The following MAD2L2 variants were observed in gnomAD, a reference collection of about 807,000 sequenced individuals.
MAD2L2 encodes mitotic arrest deficient 2 like 2.
A neutral mutation model predicts 30.5 loss-of-function variants in MAD2L2; 17 were observed. The observed-to-expected ratio is 0.56, with a 90% CI of 0.38 to 0.84. The LOEUF (loss-of-function observed/expected upper bound fraction) is 0.84. Among genes scored for constraint, MAD2L2 ranks in the 40% least tolerant of loss-of-function variants. MAD2L2 has a pLI of 0.00. For synonymous variants in MAD2L2, 101 were observed against 113.9 expected (o/e 0.89, Z 0.72); for missense variants, 213 against 277.4 (o/e 0.77, Z 1.65).
Position 11,674,668 on chromosome 1 carries a change from A to G in MAD2L2, c.*107T>C. The G allele has an allele frequency of 8.3e-7, 1 of 1,210,312 alleles. No individual in the cohort carries two copies. The highest frequency in any genetic ancestry group is 2.3e-5 in the East Asian group (1 of 42,576). 75.0% of individuals were successfully genotyped at this position (1,210,312 alleles called of 1,614,324 possible). On this transcript the variant is annotated 3_prime_UTR_variant, in exon 9 of 9. Coordinates refer to ENST00000376692, the MANE Select transcript of MAD2L2 (RefSeq NM_006341.4). This position sits in a 1 kb window ranked among gnomAD's most constrained non-coding sequence, Gnocchi z 6.1. ...GGGCTGGGGCGGGCGATCCACACAC[A>G]GAGGCGATAAGAGCACTTGGAATCA...
At chr1:11,684,204 G>A (rs1247973291), upstream of MAD2L2, among the ~76,000 whole-genome samples, 1 of 152,152 alleles carries the variant, frequency 6.6e-6, no homozygotes, top group Non-Finnish European at 1.5e-5. Context: ...GAGTCAGCAT[G>A]GGCCCATCCG....
chr1:11,684,211 TC>T (rs1203210392), upstream of MAD2L2, among the ~76,000 whole-genome samples: 2 of 152,058 alleles, frequency 1.3e-5, no homozygotes, highest in African/African-American at 2.4e-5. Context: ...CATGGGCCCA[TC>T]CGGGGAGCTC....
intron 3 of MAD2L2, among the ~76,000 whole-genome samples, chr1:11,677,865 C>T (rs28924105): frequency 9.9e-4 from 150 of 152,018 alleles, no homozygotes; most frequent in African/African-American, 3.5e-3. Context: ...CGAGACCAGC[C>T]TGGCCAATAT....
At chr1:11,676,226 A>G (rs2100707095) in intron 5 of MAD2L2, 86 bp from the exon 6 acceptor site, 2 of 825,356 alleles carry the variant, frequency 2.4e-6, no homozygotes, top group Non-Finnish European at 1.9e-6. Flanking sequence ...CTGGGGTACA[A>G]GACCCCCTCC....
At chr1:11,685,644 T>G (rs907955750), upstream of MAD2L2, among the ~76,000 whole-genome samples, 1 of 152,206 alleles carries the variant, frequency 6.6e-6, no homozygotes, top group Non-Finnish European at 1.5e-5. Flanking sequence ...TATGTCCATG[T>G]TCATGTTTAT....
chr1:11,680,365 G>C lies in MAD2L2; in HGVS notation c.147C>G (p.Asn49Lys). Residue 49 changes from asparagine (N) to lysine (K), a missense_variant, in exon 3 of 9, where the codon AAC becomes AAG. Coordinates refer to ENST00000376692, the MANE Select transcript of MAD2L2 (RefSeq NM_006341.4). ...VGIFQKRKKY[N>K]VPVQMSCHPE... ...GGACGTGCCTCACCTGGACCGGCAC[G>C]TTGTACTTCTTGCGTTTCTGGAAGA... 1 of 1,613,714 alleles carries C rather than the reference G, an allele frequency of 6.2e-7. No individual in the cohort carries two copies. Among genetic ancestry groups the C allele is most frequent in the African/African-American group, 1.3e-5 (1 of 75,030 alleles).
In MAD2L2 at chr1:11,680,383, C is replaced by T. The variant is rs1309224638; in HGVS notation, c.129G>A (p.Gln43=). The T allele has an allele frequency of 6.8e-6, 11 of 1,613,878 alleles. No homozygotes were observed. Among genetic ancestry groups the T allele is most frequent in the Non-Finnish European group, 7.6e-6 (9 of 1,179,966 alleles). ...CCGGCACGTTGTACTTCTTGCGTTT[C>T]TGGAAGATGCCCACGGGGTAGACCT... is the stretch of plus-strand genomic sequence containing the variant. The part of the protein sequence containing the change: ...VREVYPVGIF[Q]KRKKYNVPVQ... Residue 43 remains glutamine, a synonymous_variant, in exon 3 of 9, where the codon CAG becomes CAA. Transcript: ENST00000376692.
At chr1:11,683,408 A>T (rs1487616592), upstream of MAD2L2, among the ~76,000 whole-genome samples, 1 of 152,212 alleles carries the variant, frequency 6.6e-6, no homozygotes, top group Non-Finnish European at 1.5e-5. Flanking sequence ...AAACCTGTGG[A>T]TAAAAATATC....
At chr1:11,691,066 T>C (rs1641053581) in intron 1 of MAD2L2, among the ~76,000 whole-genome samples, 2 of 152,130 alleles carry the variant, frequency 1.3e-5, no homozygotes, top group Non-Finnish European at 1.5e-5. Flanking sequence ...TTTGTACCCC[T>C]ACATCCAGGA....
At chr1:11,691,385 G>A (rs991531311) in intron 1 of MAD2L2, 10 of 151,876 alleles carry the variant, frequency 6.6e-5, no homozygotes, top group Non-Finnish European at 1.5e-4. Context: ...CACGCGCCCT[G>A]GGCCGCGCCG....
Position 11,687,008 on chromosome 1 carries a change from A to C in MAD2L2, c.-692+4405T>G, listed in dbSNP as rs1640969103. 6.6e-6 allele frequency among the ~76,000 whole-genome samples: 1 copy of C among 152,132 alleles called. No homozygotes were observed. On this transcript the variant is annotated intron_variant, in intron 1 of 10. Coordinates refer to the MAD2L2 transcript ENST00000235310. This position sits in a 1 kb window ranked among gnomAD's most constrained non-coding sequence, Gnocchi z 4.1. ...ATGCCCAAAGTGTGTTGCCAGGTAC[A>C]TCAGTTCCAAAACTACTAATCTACT...
chr1:11,677,194 G>T (rs1157921954), intron 4 of MAD2L2: 5 of 607,114 alleles, frequency 8.2e-6, no homozygotes, highest in African/African-American at 5.6e-5. Context: ...CTGAGATCAG[G>T]ACTAGATGGG....
intron 3 of MAD2L2, 25 bp from the exon 4 acceptor site, chr1:11,677,639 T>G (rs1269910813): frequency 6.2e-7 from 1 of 1,603,036 alleles, no homozygotes; most frequent in Non-Finnish European, 8.5e-7. Context: ...ATGCGGCTCG[T>G]GAGGCCCAAA....
In MAD2L2 at chr1:11,674,589, A is replaced by G; in HGVS notation, c.*186T>C. 1.7e-6 allele frequency: 1 copy of G among 604,198 alleles called. No individual in the cohort carries two copies. The highest frequency in any genetic ancestry group is 2.9e-6 in the Non-Finnish European group (1 of 340,056). The allele number at this position is 604,198 out of a possible 1,614,324, so 37.4% of individuals were successfully genotyped here. ...GAGGCTGAGAAGTCGAGGTTGCGGC[A>G]TCCCTCACTGCCCTCCTGGGGGAGG... On this transcript the variant is annotated 3_prime_UTR_variant, in exon 9 of 9. Transcript: ENST00000376692. The surrounding 1 kb of genome is among the most constrained non-coding windows in gnomAD (Gnocchi z 6.1).
chr1:11,689,077 C>T (rs1641013233), intron 1 of MAD2L2, among the ~76,000 whole-genome samples: 1 of 152,144 alleles, frequency 6.6e-6, no homozygotes, highest in African/African-American at 2.4e-5. Context: ...AGGCAGATTG[C>T]CTGGGGTCAG....
upstream of MAD2L2, among the ~76,000 whole-genome samples, chr1:11,684,130 T>C (rs1009564784): frequency 6.6e-6 from 1 of 151,848 alleles, no homozygotes; most frequent in Admixed American, 6.6e-5. Flanking sequence ...ACAGGCCAGA[T>C]AGATGTTCCC....
At chr1:11,679,583 G>A (rs933346123) in intron 3 of MAD2L2, among the ~76,000 whole-genome samples, 3 of 148,840 alleles carry the variant, frequency 2.0e-5, no homozygotes, top group Non-Finnish European at 2.9e-5. Context: ...CTGGAGTGCA[G>A]TGGCACGATC....
rs1288212468 is a variant in MAD2L2, at chr1:11,688,892, A to G, written c.-692+2521T>C. Among the ~76,000 whole-genome samples the G allele has an allele frequency of 6.6e-6, 1 of 152,198 alleles. No homozygotes were observed. The highest frequency in any genetic ancestry group is 2.4e-5 in the African/African-American group (1 of 41,450). On this transcript the variant is annotated intron_variant, in intron 1 of 10. Transcript: ENST00000235310. This position sits in a 1 kb window ranked among gnomAD's most constrained non-coding sequence, Gnocchi z 4.6. ...CCTGTCAAAACCCACCAAAAGCAAG[A>G]TGGCCACGAGACCAACCTCTGGTCA...
chr1:11,686,556 G>A (rs1474820830), intron 1 of MAD2L2, among the ~76,000 whole-genome samples: 1 of 152,132 alleles, frequency 6.6e-6, no homozygotes, highest in Non-Finnish European at 1.5e-5. Context: ...ATAAGCCACC[G>A]CGCCTAGCTA....
Sources: allele counts gnomAD v4.1 joint callset (sites outside exome capture counted in the v4.1 genomes callset), GRCh38; gene constraint gnomAD v4.1.1; non-coding constraint Gnocchi (gnomAD v3.1); transcripts MANE v1.5; gene names NCBI Gene and HGNC (gene_info 2026-07-23, HGNC 2026-07-21).